The following THSD4 variants were observed in gnomAD, a reference collection of about 807,000 sequenced individuals.
THSD4 encodes the protein thrombospondin type-1 domain-containing protein 4.
A neutral mutation model predicts 119.0 loss-of-function variants in THSD4; 69 were observed. The observed-to-expected ratio is 0.58, with a 90% CI of 0.48 to 0.71. The LOEUF is 0.71. Ranked by LOEUF, THSD4 falls within the 30% of genes least tolerant of loss-of-function variation. The pLI, the probability that THSD4 is intolerant of heterozygous loss-of-function variation, is 0.00. For missense variants in THSD4, 1,393 were observed against 1,391.1 expected (o/e 1.00, Z -0.02); for synonymous variants, 524 against 540.4 (o/e 0.97, Z 0.42).
intron 7 of THSD4, among the ~76,000 whole-genome samples, chr15:71,573,984 G>A (rs12593095): frequency 0.15 from 23,145 of 152,108 alleles, 2,352 homozygotes; most frequent in East Asian, 0.49. Context: ...TAGAGAAGTC[G>A]GAGTGAATGC....
chr15:71,667,863 G>A (rs901352131), intron 8 of THSD4, among the ~76,000 whole-genome samples: 2 of 152,132 alleles, frequency 1.3e-5, no homozygotes, highest in African/African-American at 4.8e-5. Flanking sequence ...CTACTTGAAG[G>A]TAAATAACCA....
At chr15:71,367,325 G>A (rs546575187) in intron 6 of THSD4, among the ~76,000 whole-genome samples, 2 of 152,044 alleles carry the variant, frequency 1.3e-5, no homozygotes, top group East Asian at 3.9e-4. Flanking sequence ...GAAGTTCTAG[G>A]GTAGATGTGC....
At chr15:71,657,179 C>T (rs1041298924) in intron 7 of THSD4, among the ~76,000 whole-genome samples, 6 of 152,224 alleles carry the variant, frequency 3.9e-5, no homozygotes, top group African/African-American at 1.4e-4. Context: ...CTGTTAGACT[C>T]AGATTCCCAA....
intron 7 of THSD4, among the ~76,000 whole-genome samples, chr15:71,550,257 G>A (rs1261782065): frequency 6.6e-6 from 1 of 152,218 alleles, no homozygotes; most frequent in Non-Finnish European, 1.5e-5. Context: ...TGGCGGGGAA[G>A]GGGAGGTGGG....
chr15:71,561,941 C>G (rs901306569), intron 7 of THSD4, among the ~76,000 whole-genome samples: 21 of 150,614 alleles, frequency 1.4e-4, no homozygotes, highest in Admixed American at 1.3e-3. Flanking sequence ...CACTCTCTCT[C>G]TTCTCTAGAG....
chr15:71,225,100 T>C (rs1356833186), intron 4 of THSD4, among the ~76,000 whole-genome samples: 1 of 152,030 alleles, frequency 6.6e-6, no homozygotes, highest in Non-Finnish European at 1.5e-5. Context: ...CCATCCACTC[T>C]GGTTGTTTAT....
chr15:71,365,131 T>TGTGTGTGTGTGTGTGTGTGTG (rs2045941634), intron 6 of THSD4, among the ~76,000 whole-genome samples: 1 of 135,912 alleles, frequency 7.4e-6, no homozygotes, highest in Non-Finnish European at 1.6e-5. Context: ...GCCCCCCCCA[T>TGTGTGTGTGTGTGTGTGTGTG]TGTGTGTGTG....
intron 8 of THSD4, among the ~76,000 whole-genome samples, chr15:71,682,311 A>G (rs2051797981): frequency 6.6e-6 from 1 of 152,262 alleles, no homozygotes; most frequent in Non-Finnish European, 1.5e-5. Flanking sequence ...AATACACAGG[A>G]AAAGTTCTCT....
chr15:71,511,791 G>A (rs1198474800), intron 7 of THSD4, among the ~76,000 whole-genome samples: 5 of 152,280 alleles, frequency 3.3e-5, no homozygotes, highest in Non-Finnish European at 5.9e-5. Flanking sequence ...GGCGCACTGC[G>A]ATTTAAAGCA....
intron 8 of THSD4, among the ~76,000 whole-genome samples, chr15:71,697,975 A>G (rs2141064802): frequency 6.6e-6 from 1 of 151,976 alleles, no homozygotes; most frequent in Middle Eastern, 3.4e-3. Context: ...CCCCCACTTC[A>G]GCACGTGAAT....
At chr15:71,239,187 A>G (rs1416345745) in intron 4 of THSD4, among the ~76,000 whole-genome samples, 2 of 152,228 alleles carry the variant, frequency 1.3e-5, no homozygotes, top group Non-Finnish European at 2.9e-5. Context: ...TAACAAAGGT[A>G]CTATTATTGT....
At chr15:71,332,910 G>GTTTTTTTTTTTTTTTTTTTTTTTTTTT (rs1596343275) in intron 6 of THSD4, among the ~76,000 whole-genome samples, 3 of 15,426 alleles carry the variant, frequency 1.9e-4, no homozygotes, top group African/African-American at 3.5e-4. Context: ...TTTTTTTTTA[G>GTTTTTTTTTTTTTTTTTTTTTTTTTTT]TTCATCAGCT....
At chr15:71,464,311 G>T (rs1011702106) in intron 7 of THSD4, among the ~76,000 whole-genome samples, 6 of 152,200 alleles carry the variant, frequency 3.9e-5, no homozygotes, top group African/African-American at 1.4e-4. Flanking sequence ...AAGGCGGTGG[G>T]TGGCCATATA....
intron 7 of THSD4, among the ~76,000 whole-genome samples, chr15:71,440,578 G>A (rs1350251446): frequency 5.3e-5 from 8 of 152,150 alleles, no homozygotes; most frequent in African/African-American, 1.2e-4. Flanking sequence ...CCTTATTGCC[G>A]TGTTCCTGCT....
chr15:71,141,522 A>G lies in THSD4; in HGVS notation c.-6A>G, dbSNP rs2040603983. On this transcript the variant is annotated 5_prime_UTR_variant, in exon 2 of 18. Transcript: ENST00000261862. Reference sequence around the variant, plus strand: ...AGCCCTTGCTTTTGCCTGGACCCCCAGCATCATGGTTTCCCATTTCATGGG... The same window carrying G: ...AGCCCTTGCTTTTGCCTGGACCCCCGGCATCATGGTTTCCCATTTCATGGG... The G allele has an allele frequency of 1.9e-6, 3 of 1,609,194 alleles. No homozygotes were observed. Among genetic ancestry groups the G allele is most frequent in the Non-Finnish European group, 2.5e-6 (3 of 1,177,986 alleles).
chr15:71,604,020 ACT>A (rs2050061649), intron 7 of THSD4, among the ~76,000 whole-genome samples: 1 of 152,068 alleles, frequency 6.6e-6, no homozygotes, highest in Non-Finnish European at 1.5e-5. Context: ...GGTATAGAAC[ACT>A]CTTAAGTTGC....
chr15:71,275,008 A>G (rs750375057), intron 6 of THSD4, among the ~76,000 whole-genome samples: 13 of 152,168 alleles, frequency 8.5e-5, no homozygotes, highest in Non-Finnish European at 1.8e-4. Context: ...TCTCTCTTCC[A>G]AGAACTCAGC....
At chr15:71,141,977 C>T (rs1276410429) in intron 2 of THSD4, among the ~76,000 whole-genome samples, 1 of 152,130 alleles carries the variant, frequency 6.6e-6, no homozygotes, top group Non-Finnish European at 1.5e-5. Context: ...GCGGCAGGCA[C>T]CTGTAATACC....
intron 7 of THSD4, among the ~76,000 whole-genome samples, chr15:71,477,316 G>C (rs1031006184): frequency 1.3e-5 from 2 of 152,158 alleles, no homozygotes; most frequent in Non-Finnish European, 2.9e-5. Flanking sequence ...AAAGCTCCGA[G>C]CATATGTGTG....
Sources: gnomAD v4.1 joint callset for allele counts (sites outside exome capture counted in the v4.1 genomes callset) on GRCh38, gnomAD v4.1.1 for gene constraint, MANE v1.5 for transcripts, NCBI Gene and HGNC (gene_info 2026-07-23, HGNC 2026-07-21) for gene names.